LUZP2: variants seen among roughly 807,000 people sequenced by gnomAD.
LUZP2 encodes the protein leucine zipper protein 2.
LUZP2 carries 52 observed loss-of-function variants against 51.6 expected under a neutral mutation model. The ratio of observed to expected loss-of-function variants is 1.01; its 90% confidence interval spans 0.81 to 1.27. The LOEUF is 1.27. Ranked by LOEUF, LUZP2 falls within the 50% of genes most tolerant of loss-of-function variation. The pLI is 0.00. For missense variants in LUZP2, 436 were observed against 395.4 expected (o/e 1.10, Z -0.87); for synonymous variants, 154 against 137.3 (o/e 1.12, Z -0.85).
intron 5 of LUZP2, chr11:24,893,084 G>A (rs1852907719): frequency 6.6e-6 from 1 of 152,148 alleles, no homozygotes; most frequent in Admixed American, 6.5e-5. Context: ...TGTCTAAGAT[G>A]TTCAGCTTTT....
At chr11:24,967,312 C>T (rs770727679) in intron 7 of LUZP2, among the ~76,000 whole-genome samples, 5 of 151,824 alleles carry the variant, frequency 3.3e-5, no homozygotes, top group South Asian at 2.1e-4. Context: ...TATTAAATCT[C>T]GTGTTCAACA....
At chr11:24,840,410 T>C (rs1390066623) in intron 5 of LUZP2, among the ~76,000 whole-genome samples, 1 of 151,858 alleles carries the variant, frequency 6.6e-6, no homozygotes, top group Non-Finnish European at 1.5e-5. Flanking sequence ...TTGTTCAGAT[T>C]ATAAAACGTC....
chr11:24,517,750 T>C lies in LUZP2; in HGVS notation c.62+20445T>C, dbSNP rs117435131. On this transcript the variant is annotated intron_variant, in intron 1 of 11. Transcript: ENST00000336930. ...TGAAGTGTTAAATGAGAGTTTAATC[T>C]TGACTTATTGAAAAATGGCATCATT... is the stretch of plus-strand genomic sequence containing the variant. 8.3e-4 allele frequency among the ~76,000 whole-genome samples: 127 copies of C among 152,192 alleles called. No individual in the cohort carries two copies. The East Asian group carries it at 0.02, about 24-fold the overall frequency.
At chr11:24,792,302 C>A in intron 5 of LUZP2, among the ~76,000 whole-genome samples, 1 of 151,958 alleles carries the variant, frequency 6.6e-6, no homozygotes, top group Non-Finnish European at 1.5e-5. Context: ...TGGTGCACAC[C>A]TGTAGTCCCA....
chr11:24,772,893 G>A (rs781066673), intron 5 of LUZP2, among the ~76,000 whole-genome samples: 4 of 151,912 alleles, frequency 2.6e-5, no homozygotes, highest in Admixed American at 1.3e-4. Context: ...TTCTTATAAC[G>A]ACATCATTTA....
chr11:25,058,279 A>T (rs1858743748), intron 10 of LUZP2, among the ~76,000 whole-genome samples: 1 of 152,170 alleles, frequency 6.6e-6, no homozygotes, highest in Non-Finnish European at 1.5e-5. Context: ...TTACTTTTCT[A>T]TGACAACTTA....
chr11:25,065,533 T>C (rs1375762721), intron 10 of LUZP2, among the ~76,000 whole-genome samples: 1 of 151,978 alleles, frequency 6.6e-6, no homozygotes, highest in Non-Finnish European at 1.5e-5. Flanking sequence ...ACAAAGCTAG[T>C]AGATTTAAGA....
At chr11:24,678,416 G>A (rs934607931) in intron 1 of LUZP2, among the ~76,000 whole-genome samples, 22 of 152,142 alleles carry the variant, frequency 1.4e-4, no homozygotes, top group African/African-American at 5.3e-4. Flanking sequence ...TCCTTGTATA[G>A]CATTTCCTTA....
chr11:24,829,463 A>G (rs2716491), intron 5 of LUZP2, among the ~76,000 whole-genome samples: 23,844 of 152,146 alleles, frequency 0.16, 2,075 homozygotes, highest in African/African-American at 0.22. Context: ...AAATTGCTCA[A>G]CTTGTAGTGA....
chr11:24,549,706 T>C (rs1851668866), intron 1 of LUZP2, among the ~76,000 whole-genome samples: 1 of 152,080 alleles, frequency 6.6e-6, no homozygotes, highest in South Asian at 2.1e-4. Context: ...TGTAATCTTA[T>C]GAGACTACCA....
chr11:24,885,711 A>T (rs1443980398), intron 5 of LUZP2, among the ~76,000 whole-genome samples: 3 of 152,120 alleles, frequency 2.0e-5, no homozygotes, highest in African/African-American at 7.2e-5. Flanking sequence ...ATAGTCGTGA[A>T]GCTGCAGGTA....
In LUZP2 at chr11:24,976,430, A is replaced by G. The variant is rs181158144; in HGVS notation, c.523-161A>G. ...TCTGCACATCAAATTATCATGATAT[A>G]TAGTATTTTTAAACTGAATTCTAAA... On this transcript the variant is annotated intron_variant, in intron 7 of 11. Transcript: ENST00000336930. Among the ~76,000 whole-genome samples, 325 of 151,394 alleles carry G rather than the reference A, an allele frequency of 2.1e-3. 3 individuals are homozygous for G. The highest frequency in any genetic ancestry group is 7.1e-3 in the African/African-American group (292 of 41,322).
chr11:24,869,548 C>A (rs1259545752), intron 5 of LUZP2, among the ~76,000 whole-genome samples: 1 of 151,910 alleles, frequency 6.6e-6, no homozygotes, highest in Non-Finnish European at 1.5e-5. Flanking sequence ...CCTCTGCCTT[C>A]GGGGTTCAAG....
intron 1 of LUZP2, among the ~76,000 whole-genome samples, chr11:24,665,392 G>C (rs186176403): frequency 8.5e-5 from 13 of 152,210 alleles, no homozygotes; most frequent in African/African-American, 2.9e-4. Flanking sequence ...CTTTGGACTT[G>C]GACTTTTGAG....
chr11:24,647,830 A>G (rs1490975168), intron 1 of LUZP2, among the ~76,000 whole-genome samples: 1 of 151,876 alleles, frequency 6.6e-6, no homozygotes, highest in South Asian at 2.1e-4. Context: ...TCAAATAACT[A>G]TATCTATTTT....
At chr11:24,618,922 T>C (rs1205359297) in intron 1 of LUZP2, among the ~76,000 whole-genome samples, 1 of 152,174 alleles carries the variant, frequency 6.6e-6, no homozygotes, top group African/African-American at 2.4e-5. Context: ...CTGTGAAACT[T>C]GCCATCATGC....
At chr11:24,829,194 G>A (rs1207252132) in intron 5 of LUZP2, among the ~76,000 whole-genome samples, 1 of 152,110 alleles carries the variant, frequency 6.6e-6, no homozygotes, top group Non-Finnish European at 1.5e-5. Context: ...GAATGACAAA[G>A]GAGAGAGGGG....
intron 5 of LUZP2, among the ~76,000 whole-genome samples, chr11:24,785,500 T>G (rs1418485478): frequency 6.6e-6 from 1 of 151,966 alleles, no homozygotes; most frequent in Non-Finnish European, 1.5e-5. Context: ...GTAAAGACAT[T>G]GATACTTACT....
chr11:24,699,653 C>CTA (rs376832974), intron 1 of LUZP2, among the ~76,000 whole-genome samples: 16 of 132,114 alleles, frequency 1.2e-4, no homozygotes, highest in South Asian at 6.9e-4. Context: ...ATAGCCTTGG[C>CTA]CATATATATA....
Sources: allele counts gnomAD v4.1 joint callset (sites outside exome capture counted in the v4.1 genomes callset), GRCh38; gene constraint gnomAD v4.1.1; transcripts MANE v1.5; gene names NCBI Gene and HGNC (gene_info 2026-07-23, HGNC 2026-07-21).